The following PCSK2 variants were observed in gnomAD, a reference collection of about 807,000 sequenced individuals.
The protein encoded by PCSK2 is proprotein convertase subtilisin/kexin type 2.
Under a neutral mutation model 69.7 loss-of-function variants are expected in PCSK2, and 14 were observed. The ratio of observed to expected loss-of-function variants is 0.20; its 90% CI spans 0.13 to 0.31. The LOEUF (loss-of-function observed/expected upper bound fraction) is 0.31, where lower values mean the gene tolerates loss of function less well. PCSK2 is among the 10% of genes least tolerant of loss of function. PCSK2 has a pLI of 1.00. For missense variants in PCSK2, 544 were observed against 842.5 expected, an observed-to-expected ratio of 0.65 and a Z score of 4.39; for synonymous variants, 307 against 320.7, an observed-to-expected ratio of 0.96 and a Z score of 0.46.
At chr20:17,228,691 C>G (rs1258012367) in intron 1 of PCSK2, among the ~76,000 whole-genome samples, 2 of 152,178 alleles carry the variant, frequency 1.3e-5, no homozygotes, top group Admixed American at 6.5e-5. Context: ...TCTCTTCTGT[C>G]CTGACTTCCC....
At chr20:17,441,372 A>G (rs1205715557) in intron 8 of PCSK2, among the ~76,000 whole-genome samples, 1 of 152,224 alleles carries the variant, frequency 6.6e-6, no homozygotes, top group Admixed American at 6.5e-5. Context: ...ATCAAAGGGT[A>G]GTTGTCTATA....
chr20:17,235,360 G>T (rs1392787069), intron 1 of PCSK2, among the ~76,000 whole-genome samples: 2 of 152,090 alleles, frequency 1.3e-5, no homozygotes, highest in African/African-American at 4.8e-5. Flanking sequence ...GGATCCTGGG[G>T]TTGCTCTTTG....
chr20:17,406,983 G>A lies in PCSK2; in HGVS notation c.544-2280G>A, dbSNP rs16999099. Among the ~76,000 whole-genome samples the A allele has an allele frequency of 8.9e-3, 1,355 of 152,136 alleles. 14 individuals are homozygous for A. Among genetic ancestry groups the A allele is most frequent in the South Asian group, 0.038 (184 of 4,804 alleles). On this transcript the variant is annotated intron_variant, in intron 5 of 11. Coordinates refer to ENST00000262545, the MANE Select transcript of PCSK2 (RefSeq NM_002594.5). Reference sequence around the variant, plus strand: ...AACACCATTCCCATTGGCCTCGGTGGTCAGTTCACCCAGATCCTGCCTAAA... The same window carrying A: ...AACACCATTCCCATTGGCCTCGGTGATCAGTTCACCCAGATCCTGCCTAAA...
At chr20:17,309,305 G>T (rs902968491) in intron 2 of PCSK2, among the ~76,000 whole-genome samples, 1 of 152,178 alleles carries the variant, frequency 6.6e-6, no homozygotes, top group South Asian at 2.1e-4. Flanking sequence ...AGCTGGGAGA[G>T]AATTTGTTGA....
At chr20:17,405,204 G>A (rs1489691911) in intron 5 of PCSK2, among the ~76,000 whole-genome samples, 2 of 152,182 alleles carry the variant, frequency 1.3e-5, no homozygotes, top group Admixed American at 6.5e-5. Flanking sequence ...AAAATTTCCA[G>A]GGTCAAAAAC....
At chr20:17,303,517 ATATAATATATATTATATT>A (rs1989210506) in intron 2 of PCSK2, among the ~76,000 whole-genome samples, 1 of 36,768 alleles carries the variant, frequency 2.7e-5, no homozygotes, top group Non-Finnish European at 5.0e-5. Flanking sequence ...ATTATATATA[ATATAATATATATTATATT>A]ATATATAATA....
At chr20:17,358,885 A>G (rs1050567888) in intron 3 of PCSK2, among the ~76,000 whole-genome samples, 10 of 152,228 alleles carry the variant, frequency 6.6e-5, no homozygotes, top group African/African-American at 2.4e-4. Flanking sequence ...TGGAGACTAA[A>G]GTAGCAAAAA....
chr20:17,288,987 T>C (rs1988608821), intron 2 of PCSK2, among the ~76,000 whole-genome samples: 1 of 152,172 alleles, frequency 6.6e-6, no homozygotes, highest in African/African-American at 2.4e-5. Context: ...TGCAGTACTA[T>C]TAATAGATTA....
intron 7 of PCSK2, among the ~76,000 whole-genome samples, chr20:17,431,704 C>T (rs542408582): frequency 6.6e-6 from 1 of 152,300 alleles, no homozygotes; most frequent in South Asian, 2.1e-4. Context: ...AACCCAGTGT[C>T]CTCTGGCTCC....
intron 5 of PCSK2, among the ~76,000 whole-genome samples, chr20:17,387,694 G>A (rs1189190296): frequency 6.6e-6 from 1 of 152,190 alleles, no homozygotes; most frequent in Non-Finnish European, 1.5e-5. Context: ...ATATGGGTCA[G>A]CCTTGTTCAT....
At chr20:17,248,231 A>T (rs1014807707) in intron 1 of PCSK2, among the ~76,000 whole-genome samples, 1 of 151,482 alleles carries the variant, frequency 6.6e-6, no homozygotes, top group Non-Finnish European at 1.5e-5. Flanking sequence ...TGAAGAAAAC[A>T]TTTCAAAACA....
At chr20:17,230,405 T>C (rs191470697) in intron 1 of PCSK2, among the ~76,000 whole-genome samples, 244 of 152,352 alleles carry the variant, frequency 1.6e-3, no homozygotes, top group Admixed American at 6.2e-3. Flanking sequence ...GATGAAAACC[T>C]TAAGGCCTTG....
At chr20:17,343,771 GT>G (rs1420251816) in intron 2 of PCSK2, among the ~76,000 whole-genome samples, 1 of 152,186 alleles carries the variant, frequency 6.6e-6, no homozygotes, top group African/African-American at 2.4e-5. Flanking sequence ...TTCATCCACT[GT>G]TGCGCCGTTA....
chr20:17,375,216 G>A (rs1362045894), intron 5 of PCSK2, among the ~76,000 whole-genome samples: 1 of 152,096 alleles, frequency 6.6e-6, no homozygotes, highest in Admixed American at 6.5e-5. Context: ...GAGAAGCAGG[G>A]GTGTGCCTCA....
chr20:17,429,021 A>T (rs2032308385), intron 6 of PCSK2, among the ~76,000 whole-genome samples: 1 of 149,582 alleles, frequency 6.7e-6, no homozygotes, highest in Non-Finnish European at 1.5e-5. Context: ...AAAAAAAAAA[A>T]AAAAAAAAGA....
intron 5 of PCSK2, among the ~76,000 whole-genome samples, chr20:17,406,129 G>A (rs1457546706): frequency 6.6e-6 from 1 of 152,142 alleles, no homozygotes; most frequent in African/African-American, 2.4e-5. Flanking sequence ...TGCTCCAAAT[G>A]TCCATGTTAA....
chr20:17,424,718 C>G (rs1308154499), intron 6 of PCSK2, among the ~76,000 whole-genome samples: 1 of 152,084 alleles, frequency 6.6e-6, no homozygotes. Flanking sequence ...GTCTCAAACT[C>G]CTGACCTCGT....
chr20:17,313,501 T>G (rs1425153297), intron 2 of PCSK2, among the ~76,000 whole-genome samples: 10 of 151,956 alleles, frequency 6.6e-5, no homozygotes, highest in Admixed American at 6.6e-4. Flanking sequence ...GCAGTTGACT[T>G]AAGACCTTCG....
intron 1 of PCSK2, among the ~76,000 whole-genome samples, chr20:17,240,852 G>A (rs2122953414): frequency 1.3e-5 from 2 of 152,254 alleles, no homozygotes; most frequent in Admixed American, 1.3e-4. Context: ...CAATCTAGTT[G>A]TCTGTCTCAT....
Sources: allele counts gnomAD v4.1 joint callset (sites outside exome capture counted in the v4.1 genomes callset), GRCh38; gene constraint gnomAD v4.1.1; transcripts MANE v1.5; gene names NCBI Gene and HGNC (gene_info 2026-07-23, HGNC 2026-07-21).